Variants in C12orf54 observed in about 807,000 individuals in gnomAD.
The protein encoded by C12orf54 is chromosome 12 open reading frame 54, also known as uncharacterized protein C12orf54.
In C12orf54, 24 loss-of-function variants were observed where a neutral mutation model predicts 26.4. The observed-to-expected ratio is 0.91, with a 90% CI of 0.66 to 1.28. The LOEUF (loss-of-function observed/expected upper bound fraction) is 1.28. C12orf54 is among the 50% of genes most tolerant of loss of function. The probability of loss-of-function intolerance (pLI) is 0.00; values close to 1 mark genes in which losing one functional copy is unlikely to be tolerated. For missense variants in C12orf54, 154 were observed against 150.9 expected (o/e 1.02, Z -0.11); for synonymous variants, 54 against 47.0 (o/e 1.15, Z -0.61).
chr12:48,463,249 C>G, the C12orf54 span, among the ~76,000 whole-genome samples: 1 of 151,818 alleles, frequency 6.6e-6, no homozygotes, highest in Non-Finnish European at 1.5e-5. Context: ...GATATTACTG[C>G]TGACCCCATA....
At chr12:48,491,830 T>C (rs977018520) in intron 6 of C12orf54, among the ~76,000 whole-genome samples, 1 of 152,182 alleles carries the variant, frequency 6.6e-6, no homozygotes, top group African/African-American at 2.4e-5. Flanking sequence ...AAACTTTTGC[T>C]TATATACAAA....
chr12:48,451,300 A>T, the C12orf54 span, among the ~76,000 whole-genome samples: 22,040 of 151,984 alleles, frequency 0.15, 2,818 homozygotes, highest in East Asian at 0.66. Flanking sequence ...TATTAAAAAA[A>T]AAAACTTCTC....
At chr12:48,431,433 A>G in the C12orf54 span, among the ~76,000 whole-genome samples, 259 of 152,344 alleles carry the variant, frequency 1.7e-3, no homozygotes, top group Admixed American at 3.4e-3. Context: ...TGAATGCTGA[A>G]TACATGAGTC....
chr12:48,494,967 C>T lies in C12orf54; in HGVS notation c.*28C>T, dbSNP rs1282710207. The T allele has an allele frequency of 6.2e-7, 1 of 1,607,552 alleles. No individual in the cohort carries two copies. Among genetic ancestry groups the T allele is most frequent in the East Asian group, 2.2e-5 (1 of 44,856 alleles). The stretch of plus-strand genomic sequence containing the variant: ...CTACAATCAAGGAAGAAGGACATCT[C>T]TGCTTCCGCCAGGTGCTTTACCCAA... On this transcript the variant is annotated 3_prime_UTR_variant, in exon 8 of 9. Transcript: ENST00000548364.
At chr12:48,422,080 AAG>A in the C12orf54 span, among the ~76,000 whole-genome samples, 1 of 152,230 alleles carries the variant, frequency 6.6e-6, no homozygotes, top group East Asian at 1.9e-4. Flanking sequence ...TAAGAAAAAA[AAG>A]ATTTAAAACA....
chr12:48,414,274 G>T, the C12orf54 span, among the ~76,000 whole-genome samples: 1 of 152,156 alleles, frequency 6.6e-6, no homozygotes, highest in Non-Finnish European at 1.5e-5. Context: ...AAGGACTGTT[G>T]ACTCCAGTTC....
the C12orf54 span, among the ~76,000 whole-genome samples, chr12:48,439,769 G>A: frequency 1.3e-5 from 2 of 152,048 alleles, no homozygotes; most frequent in Non-Finnish European, 2.9e-5. Context: ...AGTGGGGAGG[G>A]ATAGCATTAG....
chr12:48,434,632 G>A, the C12orf54 span, among the ~76,000 whole-genome samples: 2 of 152,202 alleles, frequency 1.3e-5, no homozygotes, highest in African/African-American at 2.4e-5. Flanking sequence ...AGCCACCGCT[G>A]CTGATACCCA....
the C12orf54 span, among the ~76,000 whole-genome samples, chr12:48,435,610 C>G: frequency 6.6e-6 from 1 of 152,226 alleles, no homozygotes; most frequent in Non-Finnish European, 1.5e-5. Flanking sequence ...CAATATTCAA[C>G]ATTCTTAAAG....
chr12:48,471,191 T>A, the C12orf54 span, among the ~76,000 whole-genome samples: 5 of 152,176 alleles, frequency 3.3e-5, no homozygotes, highest in Admixed American at 3.3e-4. Context: ...AGTGAGAACA[T>A]GCAATGTTTG....
the C12orf54 span, among the ~76,000 whole-genome samples, chr12:48,475,560 T>C: frequency 6.6e-6 from 1 of 152,144 alleles, no homozygotes; most frequent in South Asian, 2.1e-4. Context: ...AAGGACCTGA[T>C]GGAGCTGAAA....
At chr12:48,435,618 A>G in the C12orf54 span, among the ~76,000 whole-genome samples, 1 of 152,226 alleles carries the variant, frequency 6.6e-6, no homozygotes, top group African/African-American at 2.4e-5. Context: ...AACATTCTTA[A>G]AGGAAAGAAT....
chr12:48,493,083 C>A, intron 7 of C12orf54, 88 bp downstream of exon 7: 2 of 1,227,638 alleles, frequency 1.6e-6, no homozygotes, highest in Non-Finnish European at 2.4e-6. Context: ...TAGCTCTGAG[C>A]CTTGAGCCTT....
the C12orf54 span, among the ~76,000 whole-genome samples, chr12:48,432,333 T>C: frequency 1.3e-5 from 2 of 152,214 alleles, no homozygotes; most frequent in African/African-American, 4.8e-5. Context: ...AAAAAGCTTG[T>C]GATAAAATCT....
intron 1 of C12orf54, 50 bp from the exon 2 acceptor site, chr12:48,483,190 C>T (rs1356379415): frequency 7.4e-6 from 7 of 941,534 alleles, no homozygotes; most frequent in Middle Eastern, 2.9e-4. Flanking sequence ...AAGCGCTTTT[C>T]TTCTCACCAT....
At chr12:48,434,332 G>C in the C12orf54 span, among the ~76,000 whole-genome samples, 1 of 152,182 alleles carries the variant, frequency 6.6e-6, no homozygotes, top group Non-Finnish European at 1.5e-5. Context: ...CTCCACCTCT[G>C]GGGGCAGGGC....
intron 6 of C12orf54, among the ~76,000 whole-genome samples, chr12:48,492,212 C>T (rs1040334505): frequency 1.3e-5 from 2 of 152,106 alleles, no homozygotes; most frequent in African/African-American, 4.8e-5. Flanking sequence ...GGGTACAAAT[C>T]TTCTTGGGGA....
At chr12:48,476,986 A>G in the C12orf54 span, among the ~76,000 whole-genome samples, 123 of 152,348 alleles carry the variant, frequency 8.1e-4, no homozygotes, top group Non-Finnish European at 1.1e-3. Context: ...AATTGACCAC[A>G]TAGTTGGAAG....
At chr12:48,436,994 T>C in the C12orf54 span, among the ~76,000 whole-genome samples, 1 of 147,786 alleles carries the variant, frequency 6.8e-6, no homozygotes, top group Non-Finnish European at 1.5e-5. Flanking sequence ...ATCAACAAAA[T>C]TGATAGACTG....
Sources: gnomAD v4.1 joint callset for allele counts (sites outside exome capture counted in the v4.1 genomes callset) on GRCh38, gnomAD v4.1.1 for gene constraint, MANE v1.5 for transcripts, NCBI Gene and HGNC (gene_info 2026-07-23, HGNC 2026-07-21) for gene names.